The following OPCML variants were observed in gnomAD, a reference collection of about 807,000 sequenced individuals.
The protein encoded by OPCML is opioid-binding protein/cell adhesion molecule.
OPCML carries 13 observed loss-of-function variants against 37.8 expected under a neutral mutation model. That is an observed-to-expected ratio of 0.34 (90% CI 0.22 to 0.55). The LOEUF (loss-of-function observed/expected upper bound fraction) is 0.55, where lower values mean the gene tolerates loss of function less well. Ranked by LOEUF, OPCML falls within the 20% of genes least tolerant of loss-of-function variation. The pLI, the probability that OPCML is intolerant of heterozygous loss-of-function variation, is 0.91. For synonymous variants in OPCML, 176 were observed against 168.8 expected (o/e 1.04, Z -0.33); for missense variants, 341 against 435.6 (o/e 0.78, Z 1.93).
intron 3 of OPCML, among the ~76,000 whole-genome samples, chr11:132,584,512 G>T (rs2096468479): frequency 6.6e-6 from 1 of 152,056 alleles, no homozygotes; most frequent in Admixed American, 6.6e-5. Context: ...AATAAAATAT[G>T]ATTTTAATTT....
intron 1 of OPCML, among the ~76,000 whole-genome samples, chr11:133,289,934 C>G (rs149721913): frequency 3.6e-4 from 55 of 152,228 alleles, no homozygotes; most frequent in African/African-American, 1.3e-3. Flanking sequence ...CTGTTCTGAC[C>G]CGGCCATCTA....
At chr11:133,111,585 T>C (rs1183801048) in intron 1 of OPCML, among the ~76,000 whole-genome samples, 1 of 152,198 alleles carries the variant, frequency 6.6e-6, no homozygotes, top group Admixed American at 6.5e-5. Context: ...GAGGGAAGTG[T>C]TTCACTTGGA....
chr11:133,423,502 C>A (rs74322840), intron 1 of OPCML: 52,852 of 984,926 alleles, frequency 0.054, 1,781 homozygotes, highest in East Asian at 0.16. Flanking sequence ...GTCATAGAAG[C>A]TCCCAAACTG....
At chr11:132,489,271 G>A (rs1430333701) in intron 4 of OPCML, among the ~76,000 whole-genome samples, 1 of 152,120 alleles carries the variant, frequency 6.6e-6, no homozygotes, top group African/African-American at 2.4e-5. Flanking sequence ...GTCTTCAGGG[G>A]CAGTAACACA....
chr11:133,249,280 T>C (rs1941049446), intron 1 of OPCML, among the ~76,000 whole-genome samples: 1 of 152,052 alleles, frequency 6.6e-6, no homozygotes, highest in Non-Finnish European at 1.5e-5. Flanking sequence ...AGGCATCCCA[T>C]GGTGAGAGAG....
At chr11:132,495,215 G>C (rs1378800048) in intron 4 of OPCML, among the ~76,000 whole-genome samples, 1 of 152,130 alleles carries the variant, frequency 6.6e-6, no homozygotes, top group Admixed American at 6.5e-5. Flanking sequence ...TTAGGACTCT[G>C]TCTCTGACTT....
At chr11:132,957,813 G>C in intron 1 of OPCML, among the ~76,000 whole-genome samples, 1 of 152,170 alleles carries the variant, frequency 6.6e-6, no homozygotes, top group East Asian at 1.9e-4. Flanking sequence ...ATGTAAGACA[G>C]GAAACTTAAT....
chr11:132,435,143 A>G, intron 7 of OPCML: 1 of 1,264,854 alleles, frequency 7.9e-7, no homozygotes, highest in Non-Finnish European at 1.0e-6. Flanking sequence ...GGTAGGAAGG[A>G]ACATGCTGTA....
chr11:132,704,458 T>C (rs751889674), intron 2 of OPCML, among the ~76,000 whole-genome samples: 1 of 152,142 alleles, frequency 6.6e-6, no homozygotes, highest in African/African-American at 2.4e-5. Flanking sequence ...AAGCAAGTAG[T>C]TTAGGTGAGA....
chr11:133,241,516 A>G (rs1592134795), intron 1 of OPCML, among the ~76,000 whole-genome samples: 1 of 152,232 alleles, frequency 6.6e-6, no homozygotes, highest in East Asian at 1.9e-4. Flanking sequence ...TTTTATCGTC[A>G]TATATCATAT....
chr11:133,525,832 T>C (rs964265974), intron 1 of OPCML, among the ~76,000 whole-genome samples: 1 of 152,212 alleles, frequency 6.6e-6, no homozygotes, highest in Non-Finnish European at 1.5e-5. Context: ...TCGTTTCCCA[T>C]GCTAAGTGCA....
chr11:133,513,200 A>G lies in OPCML; in HGVS notation c.61+19064T>C, dbSNP rs532719962. Among the ~76,000 whole-genome samples the G allele has an allele frequency of 1.2e-4, 18 of 152,182 alleles. No homozygotes were observed. The East Asian group carries it at 3.3e-3, about 28-fold the overall frequency. On this transcript the variant is annotated intron_variant, in intron 1 of 7. Transcript: ENST00000524381. ...AAAAAAATGGTTTCTCACACCTTTG[A>G]CTCTATTTATAACATGGACATTGAG...
chr11:132,542,620 A>G (rs978454870), intron 3 of OPCML, among the ~76,000 whole-genome samples: 3 of 152,050 alleles, frequency 2.0e-5, no homozygotes, highest in African/African-American at 4.8e-5. Context: ...GCTCTGCACC[A>G]TGAACATCCA....
chr11:132,943,179 C>T lies in OPCML; in HGVS notation c.62-169G>A, dbSNP rs577304397. On this transcript the variant is annotated intron_variant, in intron 1 of 7. Coordinates refer to ENST00000524381, the MANE Select transcript of OPCML (RefSeq NM_001012393.5). The surrounding 1 kb of genome is among the most constrained non-coding windows in gnomAD (Gnocchi z 4.3). ...GCACCAGCGGGCTCGGGAAGCGGTG[C>T]GGGGAGGAGGGAAGGGGCAGAGTTC... 2,350 of 1,587,714 alleles carry T rather than the reference C, an allele frequency of 1.5e-3. 35 individuals carry two copies. In the South Asian group the frequency reaches 0.017, roughly 12 times the overall value.
At chr11:132,993,708 A>G (rs1050322430) in intron 1 of OPCML, among the ~76,000 whole-genome samples, 42 of 152,200 alleles carry the variant, frequency 2.8e-4, no homozygotes, top group African/African-American at 7.2e-4. Flanking sequence ...AACTGGAATC[A>G]CCCTTACCTT....
intron 1 of OPCML, chr11:133,360,828 G>A (rs147350632): frequency 6.6e-6 from 1 of 152,356 alleles, no homozygotes; most frequent in East Asian, 1.9e-4. Flanking sequence ...GCTTGGCTAA[G>A]CAACTAAACA....
intron 4 of OPCML, among the ~76,000 whole-genome samples, chr11:132,457,476 C>T (rs1343881819): frequency 6.6e-6 from 1 of 152,194 alleles, no homozygotes. Flanking sequence ...GTTTGAGGCA[C>T]TGATTATGGA....
chr11:133,484,180 A>G (rs919377267), intron 1 of OPCML, among the ~76,000 whole-genome samples: 1 of 152,120 alleles, frequency 6.6e-6, no homozygotes, highest in African/African-American at 2.4e-5. Flanking sequence ...AGATAGATAG[A>G]TAGATAGATA....
chr11:133,098,848 A>T (rs1949043772), intron 1 of OPCML, among the ~76,000 whole-genome samples: 1 of 152,162 alleles, frequency 6.6e-6, no homozygotes, highest in Admixed American at 6.6e-5. Context: ...AGAAAATATA[A>T]TGCATATAGA....
Sources: gnomAD v4.1 joint callset for allele counts (sites outside exome capture counted in the v4.1 genomes callset) on GRCh38, gnomAD v4.1.1 for gene constraint, Gnocchi (gnomAD v3.1) non-coding constraint, MANE v1.5 for transcripts, NCBI Gene and HGNC (gene_info 2026-07-23, HGNC 2026-07-21) for gene names.